ZSCAN5A: variants seen among roughly 807,000 people sequenced by gnomAD.
The protein encoded by ZSCAN5A is zinc finger and SCAN domain-containing protein 5A.
In ZSCAN5A, 12 loss-of-function variants were observed where a neutral mutation model predicts 23.7. The observed-to-expected ratio is 0.51, with a 90% CI of 0.32 to 0.82. ZSCAN5A has a LOEUF of 0.82. Ranked by LOEUF, ZSCAN5A falls within the 40% of genes least tolerant of loss-of-function variation. The pLI is 0.03. For synonymous variants in ZSCAN5A, 257 were observed against 239.9 expected, an observed-to-expected ratio of 1.07 and a Z score of -0.66; for missense variants, 597 against 617.9, an observed-to-expected ratio of 0.97 and a Z score of 0.36.
At chr19:56,254,334 T>C (rs2036554055) in intron 2 of ZSCAN5A, among the ~76,000 whole-genome samples, 1 of 152,222 alleles carries the variant, frequency 6.6e-6, no homozygotes, top group Non-Finnish European at 1.5e-5. Context: ...AATGTTTTCA[T>C]CATCTTACCT....
intron 2 of ZSCAN5A, among the ~76,000 whole-genome samples, chr19:56,354,065 A>T (rs1297911220): frequency 6.6e-6 from 1 of 152,212 alleles, no homozygotes; most frequent in African/African-American, 2.4e-5. Flanking sequence ...TGATCCAGTC[A>T]TAGGAGGTAC....
At chr19:56,275,424 T>C (rs1180725777) in intron 2 of ZSCAN5A, among the ~76,000 whole-genome samples, 3 of 152,202 alleles carry the variant, frequency 2.0e-5, no homozygotes, top group African/African-American at 7.2e-5. Flanking sequence ...TATATCAGCG[T>C]GAACTCAGGG....
At chr19:56,223,528 A>G in intron 4 of ZSCAN5A, 103 bp downstream of exon 4, 3 of 1,224,544 alleles carry the variant, frequency 2.4e-6, no homozygotes, top group South Asian at 1.5e-5. Flanking sequence ...GAATGGCTCT[A>G]ATCTTGTCCT....
intron 2 of ZSCAN5A, among the ~76,000 whole-genome samples, chr19:56,276,086 C>T (rs1359962090): frequency 6.6e-6 from 1 of 152,186 alleles, no homozygotes; most frequent in African/African-American, 2.4e-5. Context: ...ATGCTTTTGT[C>T]TCCAGTTGCA....
At chr19:56,271,442 T>TACGCCTTGTTTC (rs1422548972) in intron 2 of ZSCAN5A, among the ~76,000 whole-genome samples, 1 of 152,256 alleles carries the variant, frequency 6.6e-6, no homozygotes, top group Non-Finnish European at 1.5e-5. Context: ...CCACATGTTT[T>TACGCCTTGTTTC]ACGCCTTGTT....
chr19:56,281,268 G>A (rs987193110), intron 2 of ZSCAN5A, among the ~76,000 whole-genome samples: 2 of 152,100 alleles, frequency 1.3e-5, no homozygotes, highest in African/African-American at 4.8e-5. Context: ...TCTGTCTCAG[G>A]GGTGGCAGAG....
intron 1 of ZSCAN5A, among the ~76,000 whole-genome samples, chr19:56,313,761 C>G (rs994690760): frequency 3.3e-5 from 5 of 152,088 alleles, no homozygotes; most frequent in African/African-American, 1.2e-4. Context: ...ATTTAATTAT[C>G]CCTTCCCTTT....
intron 2 of ZSCAN5A, among the ~76,000 whole-genome samples, chr19:56,331,535 G>A (rs531602806): frequency 7.1e-6 from 1 of 141,138 alleles, no homozygotes; most frequent in Non-Finnish European, 1.5e-5. Flanking sequence ...ATATAGTCTA[G>A]GCTTTTTTTT....
chr19:56,330,622 T>C (rs1382111819), intron 2 of ZSCAN5A, among the ~76,000 whole-genome samples: 1 of 152,198 alleles, frequency 6.6e-6, no homozygotes, highest in Admixed American at 6.5e-5. Flanking sequence ...TGTTGGCTGC[T>C]TGTTTTCTTT....
At chr19:56,258,715 G>A (rs755796034) in intron 2 of ZSCAN5A, among the ~76,000 whole-genome samples, 1 of 152,212 alleles carries the variant, frequency 6.6e-6, no homozygotes, top group South Asian at 2.1e-4. Flanking sequence ...GTTCAAATGT[G>A]TCAGGTCCTC....
chr19:56,246,353 A>C, intron 2 of ZSCAN5A: 1 of 489,272 alleles, frequency 2.0e-6, no homozygotes, highest in Non-Finnish European at 3.7e-6. Context: ...ACTGTCATGA[A>C]AAGTGCCCCA....
chr19:56,307,383 G>T (rs555232944), intron 2 of ZSCAN5A, among the ~76,000 whole-genome samples: 1 of 152,166 alleles, frequency 6.6e-6, no homozygotes, highest in African/African-American at 2.4e-5. Flanking sequence ...AACTTTAAAA[G>T]AAAGAAAATC....
intron 2 of ZSCAN5A, chr19:56,348,137 C>T (rs1238023261): frequency 6.6e-6 from 1 of 152,218 alleles, no homozygotes; most frequent in Non-Finnish European, 1.5e-5. Flanking sequence ...AATCTCGGCT[C>T]CAGCGGTTCA....
rs1315010377 is a variant in ZSCAN5A at position 56,224,776 on chromosome 19, G to A, written c.271C>T (p.Gln91Ter). 6.2e-7 allele frequency: 1 copy of A among 1,607,934 alleles called. No individual in the cohort carries two copies. Residue 91 changes from glutamine to a stop codon, truncating the protein, a stop_gained, in exon 3 of 6, where the codon CAG becomes TAG. Transcript: ENST00000683990. LOFTEE classifies it high-confidence loss of function. ...EQILDMLVME[Q>*]FMISMPQELQ... ...TCCTGGGGCATGGAGATCATGAACT[G>A]CTCCATCACCAGCATGTCCAGGATC...
rs1261161283 is a variant in ZSCAN5A, at chr19:56,221,663, T to C, written c.1403A>G (p.Tyr468Cys). The C allele has an allele frequency of 1.2e-5, 19 of 1,614,224 alleles. No individual in the cohort carries two copies. Among genetic ancestry groups the C allele is most frequent in the Non-Finnish European group, 1.6e-5 (19 of 1,180,032 alleles). ...HQRIHSGEKP[Y>C]KCSKCPRAFS... is the part of the protein sequence containing the mutation. ...GGCTCTTGGACACTTGGAACATTTG[T>C]AGGGTTTCTCTCCGGAGTGGATGCG... is the stretch of plus-strand genomic sequence containing the variant. Residue 468 changes from tyrosine (Y) to cysteine (C), a missense_variant, in exon 6 of 6, where the codon TAC (tyrosine) becomes TGC (cysteine). Transcript: ENST00000683990.
intron 2 of ZSCAN5A, chr19:56,301,929 A>C: frequency 1.1e-5 from 14 of 1,231,992 alleles, no homozygotes; most frequent in Non-Finnish European, 1.4e-5. Context: ...GCAGGAAGGG[A>C]AGGCCATCAG....
chr19:56,346,380 G>T (rs1413474134), intron 2 of ZSCAN5A, among the ~76,000 whole-genome samples: 7 of 152,054 alleles, frequency 4.6e-5, no homozygotes, highest in African/African-American at 1.7e-4. Context: ...AGGGATCATG[G>T]GTCACAGGTT....
At chr19:56,325,487 T>C (rs1176503196) in intron 2 of ZSCAN5A, among the ~76,000 whole-genome samples, 2 of 152,208 alleles carry the variant, frequency 1.3e-5, no homozygotes, top group Non-Finnish European at 2.9e-5. Context: ...AGGGAGGTCA[T>C]GGGGCTTAGC....
chr19:56,246,862 G>A (rs752645192), intron 2 of ZSCAN5A: 11 of 1,610,956 alleles, frequency 6.8e-6, no homozygotes, highest in South Asian at 2.2e-5. Flanking sequence ...CAGAGGAGAC[G>A]CTCTGAATCT....
Sources: gnomAD v4.1 joint callset for allele counts (sites outside exome capture counted in the v4.1 genomes callset) on GRCh38, gnomAD v4.1.1 for gene constraint, MANE v1.5 for transcripts, NCBI Gene and HGNC (gene_info 2026-07-23, HGNC 2026-07-21) for gene names.